The following KRIT1 variants were observed in gnomAD, a reference collection of about 807,000 sequenced individuals.
KRIT1 encodes the protein KRIT1 ankyrin repeat containing.
A neutral mutation model predicts 95.8 loss-of-function variants in KRIT1; 45 were observed. That is an observed-to-expected ratio of 0.47 (90% CI 0.37 to 0.60). The LOEUF (loss-of-function observed/expected upper bound fraction) is 0.60, where lower values mean the gene tolerates loss of function less well. Ranked by LOEUF, KRIT1 falls within the 20% of genes least tolerant of loss-of-function variation. The pLI is 0.00. For missense variants in KRIT1, 788 were observed against 877.5 expected (o/e 0.90, Z 1.29); for synonymous variants, 282 against 278.8 (o/e 1.01, Z -0.11).
At chr7:92,226,732 TA>T in intron 10 of KRIT1, 50 bp from the exon 11 acceptor site, 2 of 1,550,856 alleles carry the variant, frequency 1.3e-6, no homozygotes, top group Non-Finnish European at 8.8e-7. Flanking sequence ...AAAACTTACC[TA>T]AAAAGATCAT....
chr7:92,200,804 C>A lies in KRIT1; in HGVS notation c.2143G>T (p.Ala715Ser), dbSNP rs1789965484. 6.3e-7 allele frequency: 1 copy of A among 1,591,706 alleles called. No homozygotes were observed. Among genetic ancestry groups the A allele is most frequent in the South Asian group, 1.1e-5 (1 of 90,516 alleles). The change falls in exon 19 of 19, where the codon GCT becomes TCT. Residue 715 changes from alanine (A) to serine (S), a missense_variant and splice_region_variant. Transcript: ENST00000394505. ...KMSFIVHTKQ[A>S]GLVVKLLMKL... ...ATTAACAGTTTTACCACGAGACCAG[C>A]CTACAAAGTAAAACATGTCAATAAT...
intron 10 of KRIT1, among the ~76,000 whole-genome samples, chr7:92,234,029 A>C (rs1218950231): frequency 6.6e-6 from 1 of 152,240 alleles, no homozygotes; most frequent in Non-Finnish European, 1.5e-5. Context: ...TCAAAGCACT[A>C]AAAGGATACT....
At chr7:92,224,157 T>C (rs1325082539) in intron 12 of KRIT1, among the ~76,000 whole-genome samples, 1 of 152,246 alleles carries the variant, frequency 6.6e-6, no homozygotes, top group East Asian at 1.9e-4. Context: ...CACTTTGTCA[T>C]GTTAAATCCA....
intron 3 of KRIT1, 84 bp from the exon 4 acceptor site, chr7:92,242,221 T>C (rs554953243): frequency 3.8e-6 from 3 of 797,472 alleles, no homozygotes; most frequent in Middle Eastern, 2.6e-4. Flanking sequence ...GCATCTTAAA[T>C]TGAAAACTTT....
intron 17 of KRIT1, among the ~76,000 whole-genome samples, chr7:92,211,591 T>C (rs888647422): frequency 6.6e-6 from 1 of 152,146 alleles, no homozygotes; most frequent in Non-Finnish European, 1.5e-5. Context: ...GTTGCCGTGT[T>C]TCATAGTACA....
At chr7:92,217,810 AT>A (rs1050470634) in intron 14 of KRIT1, among the ~76,000 whole-genome samples, 1 of 152,100 alleles carries the variant, frequency 6.6e-6, no homozygotes, top group Admixed American at 6.5e-5. Flanking sequence ...CAGTAATTCT[AT>A]TTTTAGATTT....
intron 14 of KRIT1, among the ~76,000 whole-genome samples, chr7:92,217,558 G>A (rs1422486895): frequency 6.6e-6 from 1 of 152,066 alleles, no homozygotes; most frequent in Admixed American, 6.5e-5. Context: ...TATTTAGTAT[G>A]TTTTCAAGGT....
Position 92,201,329 on chromosome 7 carries a change from C to T in KRIT1, c.2120G>A (p.Ser707Asn). The T allele has an allele frequency of 6.5e-7, 1 of 1,527,886 alleles. No individual in the cohort carries two copies. The highest frequency in any genetic ancestry group is 1.1e-5 in the South Asian group (1 of 89,272). 94.6% of individuals were successfully genotyped at this position (1,527,886 alleles called of 1,614,324 possible). Residue 707 changes from serine (S) to asparagine (N), a missense_variant, in exon 18 of 19, where the codon AGC becomes AAC. Ser to Asn is a conservative substitution (Grantham distance 46). This residue lies in a region of KRIT1 where 493 missense variants were observed against 582.3 expected (regional missense o/e 0.85). Coordinates refer to ENST00000394505, the MANE Select transcript of KRIT1 (RefSeq NM_194454.3). Reference protein sequence around the residue: ...FQIHSMENKMSFIVHTKQAGL... With the variant: ...FQIHSMENKMNFIVHTKQAGL... ...TACCTGTTTTGTATGTACTATAAAG[C>T]TCATTTTATTTTCCATGCTATGGAT... is the stretch of plus-strand genomic sequence containing the variant.
At position 92,235,659 on chromosome 7, in the gene KRIT1, A is replaced by G. The variant is rs1417163295; in HGVS notation, c.486-13T>C. 2.5e-6 allele frequency: 4 copies of G among 1,613,418 alleles called. No homozygotes were observed. Among genetic ancestry groups the G allele is most frequent in the Admixed American group, 1.7e-5 (1 of 60,032 alleles). On this transcript the variant is annotated splice_polypyrimidine_tract_variant and intron_variant, in intron 7 of 18. Transcript: ENST00000394505. ...TTCATCTAACCACCTGGCAAAATAA[A>G]AAAACAGGTAGAAGTAGCCATTCGA...
intron 16 of KRIT1, 89 bp downstream of exon 16, chr7:92,213,803 T>C: frequency 1.2e-6 from 1 of 805,178 alleles, no homozygotes; most frequent in Non-Finnish European, 2.2e-6. Flanking sequence ...GACTATAAAT[T>C]TAATCTACCT....
chr7:92,222,922 CTTCAA>C lies in KRIT1; in HGVS notation c.1306_1310del (p.Leu436AlafsTer4), dbSNP rs1563266658. ...GCTGCACTGTGGTATTATTTCCATGCTTCAATTCAACAGAACGATATGACCCATCC... is the reference window on the plus strand; with the variant it reads ...GCTGCACTGTGGTATTATTTCCATGCTTCAACAGAACGATATGACCCATCC... On this transcript the variant is annotated frameshift_variant, in exon 13 of 19. Transcript: ENST00000394505. LOFTEE classifies it high-confidence loss of function. 6.2e-7 allele frequency: 1 copy of C among 1,607,394 alleles called. No individual in the cohort carries two copies. Among genetic ancestry groups the C allele is most frequent in the African/African-American group, 1.3e-5 (1 of 74,852 alleles).
chr7:92,222,642 G>T (rs1409973153), intron 13 of KRIT1, among the ~76,000 whole-genome samples, 180 bp downstream of exon 13: 1 of 152,132 alleles, frequency 6.6e-6, no homozygotes, highest in Non-Finnish European at 1.5e-5. Context: ...AGCAGGGAAC[G>T]GGGTGGGCAG....
intron 10 of KRIT1, among the ~76,000 whole-genome samples, chr7:92,227,090 G>T (rs1156655384): frequency 1.3e-5 from 2 of 152,138 alleles, no homozygotes; most frequent in African/African-American, 4.8e-5. Context: ...TACAAAATAG[G>T]CCCAAAGATG....
At chr7:92,235,338 GA>G (rs1332665394) in intron 8 of KRIT1, 64 bp downstream of exon 8, 16 of 1,519,272 alleles carry the variant, frequency 1.1e-5, no homozygotes, top group Non-Finnish European at 1.2e-5. Flanking sequence ...TATATCTCAG[GA>G]AAAAAAATTA....
intron 17 of KRIT1, among the ~76,000 whole-genome samples, chr7:92,205,075 G>A (rs769411083): frequency 2.9e-4 from 44 of 152,290 alleles, no homozygotes; most frequent in African/African-American, 7.5e-4. Flanking sequence ...GGGCGAGCAC[G>A]GTGGCTCATA....
chr7:92,235,639 C>T lies in KRIT1; in HGVS notation c.493G>A (p.Asp165Asn), dbSNP rs1218571578. 1.9e-6 allele frequency: 3 copies of T among 1,613,606 alleles called. No homozygotes were observed. Among genetic ancestry groups the T allele is most frequent in the African/African-American group, 1.3e-5 (1 of 74,886 alleles). Reference protein sequence around the residue: ...RMLIALDKWLDERHAQSHFIP... With the variant: ...RMLIALDKWLNERHAQSHFIP... ...AAGTGAGATTGTGCATGACGTTCAT[C>T]TAACCACCTGGCAAAATAAAAAAAC... Residue 165 changes from aspartate to asparagine, a missense_variant, in exon 8 of 19, where the codon GAT becomes AAT. Physicochemically the swap from Asp to Asn is conservative, Grantham distance 23. Coordinates refer to ENST00000394505, the MANE Select transcript of KRIT1 (RefSeq NM_194454.3).
Position 92,222,905 on chromosome 7 carries a change from GT to G in KRIT1, c.1327del (p.Thr443GlnfsTer5). 3 of 1,602,616 alleles carry G rather than the reference GT, an allele frequency of 1.9e-6. No homozygotes were observed. Among genetic ancestry groups the G allele is most frequent in the Non-Finnish European group, 2.6e-6 (3 of 1,169,728 alleles). ...CATTCCTTCCATTATCTGCTGCACT[GT>G]GGTATTATTTCCATGCTTCAATTCA... The part of the protein sequence containing the change: ...SVELKHGNNT[T>X]VQQIMEGMRL... On this transcript the variant is annotated frameshift_variant, in exon 13 of 19. Transcript: ENST00000394505. LOFTEE classifies it high-confidence loss of function.
Position 92,234,526 on chromosome 7 carries a change from T to G in KRIT1, c.912A>C (p.Leu304=). 1 of 1,611,702 alleles carries G rather than the reference T, an allele frequency of 6.2e-7. No homozygotes were observed. Among genetic ancestry groups the G allele is most frequent in the South Asian group, 1.1e-5 (1 of 91,040 alleles). The change falls in exon 10 of 19, where the codon CTA becomes CTC. Residue 304 remains leucine (L), a synonymous_variant. Coordinates refer to ENST00000394505, the MANE Select transcript of KRIT1 (RefSeq NM_194454.3). ...AAAATCTTTCACTGAGAAGACGGCT[T>G]AGTAATTCTGAATCTCCTTCACAGG... ...RSACEGDSEL[L]SRLLSERFSV... is the part of the protein sequence containing the mutation.
chr7:92,205,579 C>T (rs1791283974), intron 17 of KRIT1: 1 of 151,760 alleles, frequency 6.6e-6, no homozygotes, highest in African/African-American at 2.4e-5. Flanking sequence ...CTATGAAAAA[C>T]ACAAAAATTA....
Sources: gnomAD v4.1 joint callset for allele counts (sites outside exome capture counted in the v4.1 genomes callset) on GRCh38, gnomAD v4.1.1 for gene constraint, gnomAD v4.1.1 regional missense constraint, MANE v1.5 for transcripts, NCBI Gene and HGNC (gene_info 2026-07-23, HGNC 2026-07-21) for gene names.